TRMT44: variants seen among roughly 807,000 people sequenced by gnomAD.
TRMT44 encodes the protein tRNA methyltransferase 44 homolog, also known as probable tRNA (uracil-O(2)-)-methyltransferase.
In TRMT44, 78 loss-of-function variants were observed where a neutral mutation model predicts 77.3. That is an observed-to-expected ratio of 1.01 (90% confidence interval 0.84 to 1.22). The LOEUF (loss-of-function observed/expected upper bound fraction) is 1.22, where lower values mean the gene tolerates loss of function less well. Ranked by LOEUF, TRMT44 falls within the 50% of genes most tolerant of loss-of-function variation. The probability of loss-of-function intolerance (pLI) is 0.00; values close to 1 mark genes in which losing one functional copy is unlikely to be tolerated. For missense variants in TRMT44, 1,090 were observed against 964.4 expected (o/e 1.13, Z -1.73); for synonymous variants, 391 against 383.3 (o/e 1.02, Z -0.23).
the TRMT44 span, among the ~76,000 whole-genome samples, chr4:8,507,962 G>A: frequency 6.6e-6 from 1 of 152,156 alleles, no homozygotes; most frequent in Non-Finnish European, 1.5e-5. Context: ...GCTGGAGCGT[G>A]ACGGTGCAAT....
At chr4:8,458,579 C>T (rs1024124762) in intron 6 of TRMT44, among the ~76,000 whole-genome samples, 5 of 150,606 alleles carry the variant, frequency 3.3e-5, no homozygotes, top group Admixed American at 2.7e-4. Context: ...TTCAGCCTCT[C>T]GAGTAGCTGG....
intron 10 of TRMT44, among the ~76,000 whole-genome samples, chr4:8,472,798 G>T (rs899641415): frequency 1.5e-4 from 23 of 152,306 alleles, no homozygotes; most frequent in African/African-American, 4.8e-4. Context: ...CTGCTGGCTG[G>T]GCTGGGCCTG....
chr4:8,449,950 T>TTTTTTTTTTTTTTTTTTTTTTTTTTC, intron 3 of TRMT44, 62 bp downstream of exon 3: 1 of 172,546 alleles, frequency 5.8e-6, no homozygotes, highest in Non-Finnish European at 9.0e-6. Flanking sequence ...TTTTCTTTTC[T>TTTTTTTTTTTTTTTTTTTTTTTTTTC]TTTTTTTTTT....
Position 8,465,510 on chromosome 4 carries a change from C to T in TRMT44, c.1443C>T (p.Thr481=), listed in dbSNP as rs747617177. Residue 481 remains threonine, a synonymous_variant, in exon 8 of 11, where the codon ACC becomes ACT. Coordinates refer to ENST00000389737, the MANE Select transcript of TRMT44 (RefSeq NM_152544.3). The part of the protein sequence containing the change: ...YLDFIKEVGF[T]CGFHVDEDCL... ...ACTTCATTAAAGAAGTGGGCTTCAC[C>T]TGTGGGTTTCACGTGGACGAAGACT... The T allele has an allele frequency of 6.2e-7, 1 of 1,613,988 alleles. No individual in the cohort carries two copies.
chr4:8,511,337 GT>G, the TRMT44 span, among the ~76,000 whole-genome samples: 3 of 152,308 alleles, frequency 2.0e-5, no homozygotes, highest in East Asian at 3.9e-4. Context: ...CTTCTCCGTG[GT>G]GGTCTGCACT....
chr4:8,486,274 C>G (rs1032548032), intron 2 of TRMT44, among the ~76,000 whole-genome samples: 1 of 152,186 alleles, frequency 6.6e-6, no homozygotes, highest in Non-Finnish European at 1.5e-5. Flanking sequence ...TCTGGAGGAA[C>G]GCCTGGCCAC....
At chr4:8,487,017 G>A (rs1442415539) in intron 2 of TRMT44, among the ~76,000 whole-genome samples, 1 of 152,128 alleles carries the variant, frequency 6.6e-6, no homozygotes, top group African/African-American at 2.4e-5. Context: ...AGGAAGGTTT[G>A]GGACGAGTTG....
intron 2 of TRMT44, among the ~76,000 whole-genome samples, chr4:8,486,084 G>C (rs1727794630): frequency 1.3e-5 from 2 of 152,224 alleles, no homozygotes; most frequent in Admixed American, 1.3e-4. Context: ...GTCAGTCAGA[G>C]AGCCTTGGAC....
At chr4:8,487,663 CT>C (rs1727858233) in intron 2 of TRMT44, among the ~76,000 whole-genome samples, 1 of 151,762 alleles carries the variant, frequency 6.6e-6, no homozygotes, top group Non-Finnish European at 1.5e-5. Context: ...TTCTTGCCCC[CT>C]AGAAAAGCGG....
the TRMT44 span, among the ~76,000 whole-genome samples, chr4:8,514,312 T>C: frequency 1.4e-5 from 2 of 146,376 alleles, no homozygotes; most frequent in South Asian, 4.4e-4. Context: ...TGGAGTGCAG[T>C]GGTGTGATCT....
At chr4:8,471,359 G>T (rs1275271051) in intron 10 of TRMT44, among the ~76,000 whole-genome samples, 159 bp downstream of exon 10, 1 of 152,182 alleles carries the variant, frequency 6.6e-6, no homozygotes, top group Non-Finnish European at 1.5e-5. Flanking sequence ...GGTGGCATTT[G>T]ACCTCAGGGT....
At chr4:8,494,347 A>G (rs980888109), downstream of TRMT44, among the ~76,000 whole-genome samples, 7 of 152,338 alleles carry the variant, frequency 4.6e-5, no homozygotes, top group East Asian at 7.7e-4. Context: ...TCACAGGTAC[A>G]GGACAAAGGA....
rs1724644373 is a variant in TRMT44, at chr4:8,441,085, T to A, written c.263T>A (p.Leu88Gln). ...SPGGGPGPRS[L>Q]SGPEQGTACC... The stretch of plus-strand genomic sequence containing the variant: ...GGAGGGGGCCCGGGTCCCAGGTCGC[T>A]ATCAGGACCCGAGCAGGGCACGGCA... The change falls in exon 1 of 11, where the codon CTA becomes CAA. Residue 88 changes from leucine to glutamine, a missense_variant. Coordinates refer to ENST00000389737, the MANE Select transcript of TRMT44 (RefSeq NM_152544.3). 6.7e-7 allele frequency: 1 copy of A among 1,494,876 alleles called. No homozygotes were observed. The highest frequency in any genetic ancestry group is 1.4e-5 in the African/African-American group (1 of 71,562). The allele number at this position is 1,494,876 out of a possible 1,614,324, so 92.6% of individuals were successfully genotyped here. A position where few individuals can be genotyped will look rare whatever the true frequency, so the allele number is the denominator to read the frequency against.
At chr4:8,467,399 G>A (rs1477418268) in intron 8 of TRMT44, among the ~76,000 whole-genome samples, 1 of 152,220 alleles carries the variant, frequency 6.6e-6, no homozygotes, top group Non-Finnish European at 1.5e-5. Context: ...TAACAATGAT[G>A]AGAGGGAACC....
At chr4:8,478,473 A>G (rs1368014096), downstream of TRMT44, 3 of 152,590 alleles carry the variant, frequency 2.0e-5, no homozygotes, top group East Asian at 5.8e-4. Flanking sequence ...GGTTCCAGGT[A>G]CCATTTCTTA....
intron 2 of TRMT44, among the ~76,000 whole-genome samples, chr4:8,486,947 G>T (rs1002341686): frequency 4.6e-5 from 7 of 152,154 alleles, no homozygotes; most frequent in African/African-American, 1.7e-4. Flanking sequence ...AGAAAAGGAA[G>T]ATTAGAAAGA....
rs1327548374 is a variant in TRMT44 at position 8,452,975 on chromosome 4, C to T, written c.1117C>T (p.Leu373=). 6 of 1,525,888 alleles carry T rather than the reference C, an allele frequency of 3.9e-6. No individual in the cohort carries two copies. The highest frequency in any genetic ancestry group is 5.3e-6 in the Non-Finnish European group (6 of 1,142,318). The allele number at this position is 1,525,888 out of a possible 1,614,324, so 94.5% of individuals were successfully genotyped here. The change falls in exon 5 of 11, where the codon CTG becomes TTG. Residue 373 remains leucine, a synonymous_variant. Transcript: ENST00000389737. This position sits in a 1 kb window ranked among gnomAD's most constrained non-coding sequence, Gnocchi z 5.7. ...TGGAAATGGCCTCCTGGTCCACATC[C>T]TGAGCAGTGAGGGGGTAAGGCCCGG... ...GCGNGLLVHI[L]SSEGHPGRGI... is the part of the protein sequence containing the mutation.
chr4:8,470,170 G>A (rs528121077), intron 9 of TRMT44, among the ~76,000 whole-genome samples: 18 of 152,346 alleles, frequency 1.2e-4, no homozygotes, highest in East Asian at 3.9e-4. Context: ...AAACACTCCC[G>A]CTCCTCTCAG....
chr4:8,475,236 A>G (rs574060888), intron 10 of TRMT44, among the ~76,000 whole-genome samples: 38 of 152,330 alleles, frequency 2.5e-4, no homozygotes, highest in Middle Eastern at 6.8e-3. Context: ...ATGCTGACAC[A>G]GTCCTCAGAG....
Sources: allele counts gnomAD v4.1 joint callset (sites outside exome capture counted in the v4.1 genomes callset), GRCh38; gene constraint gnomAD v4.1.1; non-coding constraint Gnocchi (gnomAD v3.1); transcripts MANE v1.5; gene names NCBI Gene and HGNC (gene_info 2026-07-23, HGNC 2026-07-21).